KCNN3: variants seen among roughly 807,000 people sequenced by gnomAD.
KCNN3 encodes the protein small conductance calcium-activated potassium channel protein 3.
KCNN3 carries 16 observed loss-of-function variants against 62.9 expected under a neutral mutation model. The ratio of observed to expected loss-of-function variants is 0.25; its 90% CI spans 0.17 to 0.39. KCNN3 has a LOEUF of 0.39. KCNN3 is among the 10% of genes least tolerant of loss of function. The pLI, the probability that KCNN3 is intolerant of heterozygous loss-of-function variation, is 1.00. For missense variants in KCNN3, 599 were observed against 949.4 expected, an observed-to-expected ratio of 0.63 and a Z score of 4.85; for synonymous variants, 370 against 389.2, an observed-to-expected ratio of 0.95 and a Z score of 0.58.
At chr1:154,752,467 A>G (rs895645833) in intron 3 of KCNN3, among the ~76,000 whole-genome samples, 2 of 152,266 alleles carry the variant, frequency 1.3e-5, no homozygotes, top group South Asian at 2.1e-4. Flanking sequence ...GGAGAATGGG[A>G]GTGCTCCAGG....
chr1:154,721,330 C>T (rs1349409661), intron 5 of KCNN3, among the ~76,000 whole-genome samples: 5 of 140,822 alleles, frequency 3.6e-5, no homozygotes, highest in African/African-American at 1.3e-4. Flanking sequence ...GATGGAGTCT[C>T]ACTCTGTCAC....
At chr1:154,856,259 C>T (rs1652521582) in intron 1 of KCNN3, among the ~76,000 whole-genome samples, 1 of 152,110 alleles carries the variant, frequency 6.6e-6, no homozygotes, top group Non-Finnish European at 1.5e-5. Context: ...GGGAGGCTGG[C>T]CAGAAGGGCC....
rs1434510668 is a variant in KCNN3 at position 154,701,816 on chromosome 1, G to A, written c.*6160C>T. On this transcript the variant is annotated 3_prime_UTR_variant, in exon 8 of 8. Transcript: ENST00000271915. ...TTGTGTAGTTTGGAAAGCCGACCCC[G>A]GTTTCACGTACATGGAGAAACTCAG... is the stretch of plus-strand genomic sequence containing the variant. The A allele has an allele frequency of 1.3e-5, 2 of 152,116 alleles. No homozygotes were observed. Among genetic ancestry groups the A allele is most frequent in the East Asian group, 1.9e-4 (1 of 5,198 alleles). 9.4% of individuals were successfully genotyped at this position (152,116 alleles called of 1,614,324 possible).
chr1:154,852,278 G>A (rs112193438), intron 1 of KCNN3, among the ~76,000 whole-genome samples: 150 of 151,094 alleles, frequency 9.9e-4, no homozygotes, highest in African/African-American at 3.6e-3. Context: ...AGAGGCACAC[G>A]CATGGCTCAC....
intron 3 of KCNN3, among the ~76,000 whole-genome samples, chr1:154,752,924 C>T (rs1326637590): frequency 2.0e-5 from 3 of 152,186 alleles, no homozygotes; most frequent in African/African-American, 4.8e-5. Flanking sequence ...TCCGAGCACC[C>T]GGCTCAGACT....
In KCNN3 at chr1:154,702,197, C is replaced by T. The variant is rs931772421; in HGVS notation, c.*5779G>A. The T allele has an allele frequency of 3.3e-5, 5 of 151,884 alleles. No individual in the cohort carries two copies. Among genetic ancestry groups the T allele is most frequent in the Non-Finnish European group, 5.9e-5 (4 of 68,006 alleles). The allele number at this position is 151,884 out of a possible 1,614,324, so 9.4% of individuals were successfully genotyped here. ...TAGGAGGACCCTTTTTCTGGGTGCCCGGCAATCACTAACAGTGATGTGTAC... is the reference window on the plus strand; with the variant it reads ...TAGGAGGACCCTTTTTCTGGGTGCCTGGCAATCACTAACAGTGATGTGTAC... On this transcript the variant is annotated 3_prime_UTR_variant, in exon 8 of 8. Transcript: ENST00000271915.
At chr1:154,825,966 T>C (rs1158116162) in intron 1 of KCNN3, among the ~76,000 whole-genome samples, 2 of 150,480 alleles carry the variant, frequency 1.3e-5, no homozygotes, top group Admixed American at 6.6e-5. Context: ...GAGAACGGCA[T>C]GAACCCGGGA....
chr1:154,828,664 C>G (rs1462098405), intron 1 of KCNN3, among the ~76,000 whole-genome samples: 1 of 152,210 alleles, frequency 6.6e-6, no homozygotes, highest in Non-Finnish European at 1.5e-5. Context: ...ACTTTTCTCA[C>G]AGCTGTTAGG....
At chr1:154,789,202 C>G (rs1649408233) in intron 2 of KCNN3, among the ~76,000 whole-genome samples, 1 of 152,146 alleles carries the variant, frequency 6.6e-6, no homozygotes, top group African/African-American at 2.4e-5. Flanking sequence ...TCCCACCACT[C>G]CAGCCTCCTG....
rs770817586 is a variant in KCNN3, at chr1:154,869,503, C to T, written c.462G>A (p.Arg154=). ...GCACCAGGGGGCTGGCCTGTCGGTGCCGGCTGCCTCCGCCAGGCCCACTTG... is the reference window on the plus strand; with the variant it reads ...GCACCAGGGGGCTGGCCTGTCGGTGTCGGCTGCCTCCGCCAGGCCCACTTG... ...TATSGPGGGS[R]HRQASPLVHR... Residue 154 remains arginine, a synonymous_variant, in exon 1 of 8, where the codon CGG becomes CGA. Coordinates refer to ENST00000271915, the MANE Select transcript of KCNN3 (RefSeq NM_002249.6). The surrounding 1 kb of genome is among the most constrained non-coding windows in gnomAD (Gnocchi z 6.1). 11 of 1,613,908 alleles carry T rather than the reference C, an allele frequency of 6.8e-6. No homozygotes were observed. The highest frequency in any genetic ancestry group is 1.1e-5 in the South Asian group (1 of 91,076).
chr1:154,834,808 A>G (rs2101905531), intron 1 of KCNN3, among the ~76,000 whole-genome samples: 1 of 152,308 alleles, frequency 6.6e-6, no homozygotes, highest in African/African-American at 2.4e-5. Context: ...TGGGAGCCAG[A>G]CTTGAAACAC....
At chr1:154,795,080 A>G (rs751182203) in intron 2 of KCNN3, among the ~76,000 whole-genome samples, 3 of 152,176 alleles carry the variant, frequency 2.0e-5, no homozygotes, top group Non-Finnish European at 4.4e-5. Context: ...TAGGTCTTTC[A>G]CATTTACACG....
intron 2 of KCNN3, among the ~76,000 whole-genome samples, chr1:154,778,245 G>A (rs1316007185): frequency 6.6e-6 from 1 of 152,168 alleles, no homozygotes; most frequent in East Asian, 1.9e-4. Flanking sequence ...CCTTTAAGGA[G>A]CTTGTAATTA....
intron 1 of KCNN3, among the ~76,000 whole-genome samples, chr1:154,825,972 C>T (rs1433355360): frequency 4.0e-5 from 6 of 150,086 alleles, no homozygotes; most frequent in East Asian, 2.0e-4. Flanking sequence ...GGCATGAACC[C>T]GGGAGGCGGA....
chr1:154,797,146 A>C (rs908590032), intron 2 of KCNN3, among the ~76,000 whole-genome samples: 5 of 152,194 alleles, frequency 3.3e-5, no homozygotes, highest in African/African-American at 1.2e-4. Flanking sequence ...CTAGAACAGG[A>C]GACAGAGACA....
intron 3 of KCNN3, among the ~76,000 whole-genome samples, chr1:154,756,157 GAGA>G (rs1477036808): frequency 4.4e-5 from 4 of 90,952 alleles, no homozygotes; most frequent in Admixed American, 2.7e-4. Context: ...GAAGAAGGAG[GAGA>G]AGAAGAAGAG....
chr1:154,804,664 A>G (rs968196231), intron 2 of KCNN3, among the ~76,000 whole-genome samples: 1 of 152,148 alleles, frequency 6.6e-6, no homozygotes, highest in Non-Finnish European at 1.5e-5. Context: ...GGTGAAGACA[A>G]GAGTAGTAGC....
At chr1:154,842,469 A>G (rs187849921) in intron 1 of KCNN3, among the ~76,000 whole-genome samples, 23 of 152,196 alleles carry the variant, frequency 1.5e-4, no homozygotes, top group East Asian at 1.2e-3. Context: ...TGAGCTTCAC[A>G]TCACCTGGTC....
At chr1:154,731,839 C>T (rs1700600998) in intron 4 of KCNN3, among the ~76,000 whole-genome samples, 1 of 152,190 alleles carries the variant, frequency 6.6e-6, no homozygotes, top group African/African-American at 2.4e-5. Context: ...CCACCTCCCC[C>T]AACACTACCC....
Sources: gnomAD v4.1 joint callset for allele counts (sites outside exome capture counted in the v4.1 genomes callset) on GRCh38, gnomAD v4.1.1 for gene constraint, Gnocchi (gnomAD v3.1) non-coding constraint, MANE v1.5 for transcripts, NCBI Gene and HGNC (gene_info 2026-07-23, HGNC 2026-07-21) for gene names.